PNLIP: variants seen among roughly 807,000 people sequenced by gnomAD.
The protein encoded by PNLIP is pancreatic triacylglycerol lipase.
A neutral mutation model predicts 57.1 loss-of-function variants in PNLIP; 49 were observed. The observed-to-expected ratio is 0.86, with a 90% CI of 0.68 to 1.09. PNLIP has a LOEUF of 1.09. PNLIP is among the 50% of genes least tolerant of loss of function. The pLI, the probability that PNLIP is intolerant of heterozygous loss-of-function variation, is 0.00. For missense variants in PNLIP, 503 were observed against 570.2 expected, an observed-to-expected ratio of 0.88 and a Z score of 1.20; for synonymous variants, 209 against 200.4, an observed-to-expected ratio of 1.04 and a Z score of -0.36.
chr10:116,559,641 G>A (rs538901261), intron 10 of PNLIP, among the ~76,000 whole-genome samples: 2 of 152,268 alleles, frequency 1.3e-5, no homozygotes, highest in Non-Finnish European at 2.9e-5. Context: ...GATGGCAGAG[G>A]TTGTGAGAAT....
intron 12 of PNLIP, among the ~76,000 whole-genome samples, chr10:116,566,803 AT>A (rs1448797856): frequency 6.6e-6 from 1 of 152,036 alleles, no homozygotes; most frequent in Non-Finnish European, 1.5e-5. Flanking sequence ...TTAACCTTTA[AT>A]TTCCTATTTG....
intron 9 of PNLIP, among the ~76,000 whole-genome samples, chr10:116,557,700 A>G (rs1392749856): frequency 4.6e-5 from 7 of 152,010 alleles, no homozygotes; most frequent in African/African-American, 1.7e-4. Flanking sequence ...GGAGTCCACC[A>G]CTTGCCTTCA....
At chr10:116,552,392 T>C (rs1332729787) in intron 5 of PNLIP, among the ~76,000 whole-genome samples, 1 of 152,172 alleles carries the variant, frequency 6.6e-6, no homozygotes, top group Non-Finnish European at 1.5e-5. Flanking sequence ...AAGACAGTGA[T>C]ATTGATGATC....
At chr10:116,547,768 CCTGTTTT>C (rs1481010829) in intron 3 of PNLIP, among the ~76,000 whole-genome samples, 3 of 150,354 alleles carry the variant, frequency 2.0e-5, no homozygotes, top group Non-Finnish European at 4.4e-5. Context: ...CCAAGTTCCA[CCTGTTTT>C]CTGTAATAAG....
At chr10:116,554,027 G>A (rs1030216478) in intron 6 of PNLIP, among the ~76,000 whole-genome samples, 189 bp downstream of exon 6, 2 of 151,984 alleles carry the variant, frequency 1.3e-5, no homozygotes, top group Admixed American at 1.3e-4. Flanking sequence ...ATACAAGATG[G>A]AAATTTGGTG....
intron 12 of PNLIP, among the ~76,000 whole-genome samples, chr10:116,563,377 T>A (rs1847334045): frequency 6.6e-6 from 1 of 152,094 alleles, no homozygotes. Context: ...CATTTTGGAT[T>A]TTTTATTTAT....
intron 12 of PNLIP, among the ~76,000 whole-genome samples, chr10:116,565,718 A>C (rs1412726330): frequency 6.6e-6 from 1 of 152,136 alleles, no homozygotes; most frequent in African/African-American, 2.4e-5. Flanking sequence ...CGACCTTCCA[A>C]TACATCTCGC....
intron 2 of PNLIP, 37 bp downstream of exon 2, chr10:116,546,175 C>T (rs752857387): frequency 5.7e-6 from 9 of 1,566,452 alleles, no homozygotes; most frequent in Non-Finnish European, 7.9e-6. Flanking sequence ...GGGAGAGATT[C>T]ACTTTTCAAC....
chr10:116,551,215 T>C lies in PNLIP; in HGVS notation c.442T>C (p.Phe148Leu), dbSNP rs1170645296. 6.2e-7 allele frequency: 1 copy of C among 1,611,310 alleles called. No individual in the cohort carries two copies. The highest frequency in any genetic ancestry group is 1.3e-5 in the African/African-American group (1 of 74,780). ...GATCGTGGGAGCAGAAGTGGCATAT[T>C]TTGTTGAATTTCTTCAGGTAATTAC... Reference protein sequence around the residue: ...IRIVGAEVAYFVEFLQSAFGY... With the variant: ...IRIVGAEVAYLVEFLQSAFGY... Residue 148 changes from phenylalanine to leucine, a missense_variant, in exon 5 of 13, where the codon TTT (phenylalanine) becomes CTT (leucine). Physicochemically the swap from Phe to Leu is conservative, Grantham distance 22. Coordinates refer to ENST00000369221, the MANE Select transcript of PNLIP (RefSeq NM_000936.4).
At chr10:116,559,640 G>A (rs1324228112) in intron 10 of PNLIP, among the ~76,000 whole-genome samples, 2 of 152,158 alleles carry the variant, frequency 1.3e-5, no homozygotes, top group Non-Finnish European at 2.9e-5. Context: ...AGATGGCAGA[G>A]GTTGTGAGAA....
intron 12 of PNLIP, among the ~76,000 whole-genome samples, chr10:116,564,647 C>A (rs1847345405): frequency 6.6e-6 from 1 of 151,990 alleles, no homozygotes; most frequent in African/African-American, 2.4e-5. Context: ...TTACTAAATT[C>A]TCTTTGAAAA....
chr10:116,561,394 C>A, intron 11 of PNLIP, 78 bp from the exon 12 acceptor site: 2 of 1,049,092 alleles, frequency 1.9e-6, no homozygotes, highest in Non-Finnish European at 1.4e-6. Context: ...TATGTACACA[C>A]TTACATACAC....
chr10:116,553,840 T>C lies in PNLIP; in HGVS notation c.571+2T>C. The C allele has an allele frequency of 6.3e-7, 1 of 1,589,580 alleles. No individual in the cohort carries two copies. The highest frequency in any genetic ancestry group is 1.1e-5 in the South Asian group (1 of 89,424). ...ATGGGACCATTGGACGCATCACAGG[T>C]TGGTGAAAACAGTGAAAGATACCAG... On this transcript the variant is annotated splice_donor_variant, in intron 6 of 12. Coordinates refer to ENST00000369221, the MANE Select transcript of PNLIP (RefSeq NM_000936.4). LOFTEE classifies it high-confidence loss of function.
chr10:116,564,962 T>C (rs1847348531), intron 12 of PNLIP, among the ~76,000 whole-genome samples: 4 of 151,768 alleles, frequency 2.6e-5, no homozygotes, highest in Admixed American at 2.6e-4. Context: ...AAATAGAGTA[T>C]AAAAAGAGCT....
At chr10:116,552,510 T>G (rs1176267793) in intron 5 of PNLIP, among the ~76,000 whole-genome samples, 1 of 152,146 alleles carries the variant, frequency 6.6e-6, no homozygotes, top group Non-Finnish European at 1.5e-5. Context: ...AGAATCAAGA[T>G]ATAAAGAAGT....
chr10:116,560,276 T>TACACACACACACAC (rs71301597), intron 10 of PNLIP, 140 bp from the exon 11 acceptor site: 11 of 425,210 alleles, frequency 2.6e-5, no homozygotes, highest in African/African-American at 2.3e-4. Context: ...ATTAGAAAAT[T>TACACACACACACAC]ACACACACAC....
At chr10:116,560,088 A>G (rs976632537) in intron 10 of PNLIP, among the ~76,000 whole-genome samples, 2 of 152,210 alleles carry the variant, frequency 1.3e-5, no homozygotes, top group Non-Finnish European at 2.9e-5. Context: ...ACCTTTTAAC[A>G]TAAAGTTCTT....
intron 6 of PNLIP, 139 bp from the exon 7 acceptor site, chr10:116,555,039 G>A: frequency 1.1e-6 from 1 of 934,352 alleles, no homozygotes; most frequent in Non-Finnish European, 1.6e-6. Context: ...AAAGCAAATA[G>A]CTAGAAGTAG....
chr10:116,556,490 T>C (rs1847255441), intron 9 of PNLIP, among the ~76,000 whole-genome samples: 1 of 152,216 alleles, frequency 6.6e-6, no homozygotes, highest in South Asian at 2.1e-4. Context: ...TAATATATAA[T>C]TATAGACATG....
Sources: allele counts gnomAD v4.1 joint callset (sites outside exome capture counted in the v4.1 genomes callset), GRCh38; gene constraint gnomAD v4.1.1; transcripts MANE v1.5; gene names NCBI Gene and HGNC (gene_info 2026-07-23, HGNC 2026-07-21).